Variants in ARHGEF18 observed in about 807,000 individuals in gnomAD.
The protein encoded by ARHGEF18 is rho guanine nucleotide exchange factor 18.
ARHGEF18 carries 93 observed loss-of-function variants against 155.7 expected under a neutral mutation model. That is an observed-to-expected ratio of 0.60 (90% CI 0.50 to 0.71). ARHGEF18 has a LOEUF of 0.71. Ranked by LOEUF, ARHGEF18 falls within the 30% of genes least tolerant of loss-of-function variation. The pLI is 0.00. For missense variants in ARHGEF18, 1,593 were observed against 1,816.1 expected, an observed-to-expected ratio of 0.88 and a Z score of 2.23; for synonymous variants, 742 against 753.1, an observed-to-expected ratio of 0.99 and a Z score of 0.24.
intron 14 of ARHGEF18, 67 bp from the exon 15 acceptor site, chr19:7,446,976 A>C: frequency 6.4e-7 from 1 of 1,563,446 alleles, no homozygotes; most frequent in Non-Finnish European, 8.7e-7. Flanking sequence ...GACTCAGACG[A>C]ATTAGATGAA....
intron 27 of ARHGEF18, 96 bp from the exon 28 acceptor site, chr19:7,469,808 T>G: frequency 1.4e-6 from 2 of 1,453,168 alleles, no homozygotes; most frequent in Non-Finnish European, 9.3e-7. Context: ...AAGTGTCAGG[T>G]GGGGGTGGCC....
chr19:7,405,321 C>T (rs116743031), intron 10 of ARHGEF18, among the ~76,000 whole-genome samples: 1,537 of 152,348 alleles, frequency 0.01, 30 homozygotes, highest in African/African-American at 0.034. Context: ...TGTCATTCCA[C>T]ACCCTCCGTG....
intron 25 of ARHGEF18, 36 bp downstream of exon 25, chr19:7,467,154 T>G: frequency 5.7e-6 from 9 of 1,580,852 alleles, no homozygotes; most frequent in Non-Finnish European, 7.8e-6. Context: ...ACGCGTGCCC[T>G]TTCCTGGTTG....
chr19:7,459,456 G>C (rs1976059995), intron 19 of ARHGEF18, among the ~76,000 whole-genome samples: 1 of 151,908 alleles, frequency 6.6e-6, no homozygotes. Flanking sequence ...CTGGCCTCAA[G>C]CCATCCTCCT....
Position 7,458,697 on chromosome 19 carries a change from A to G in ARHGEF18, c.2360+7A>G. On this transcript the variant is annotated splice_region_variant and intron_variant, in intron 19 of 28. Transcript: ENST00000668164. ...TCCAAAGGGCTGTGGAGAGGTGAGG[A>G]GGGCCTGGGGGTCTCCCCACCCACT... is the stretch of plus-strand genomic sequence containing the variant. 6.2e-7 allele frequency: 1 copy of G among 1,606,936 alleles called. No individual in the cohort carries two copies. The highest frequency in any genetic ancestry group is 8.5e-7 in the Non-Finnish European group (1 of 1,175,264).
At chr19:7,429,965 C>CT (rs539476076) in intron 10 of ARHGEF18, among the ~76,000 whole-genome samples, 252 of 144,014 alleles carry the variant, frequency 1.7e-3, no homozygotes, top group Middle Eastern at 3.5e-3. Flanking sequence ...CCTCAATATA[C>CT]TTTTTTTTTT....
At position 7,469,053 on chromosome 19, in the gene ARHGEF18, A is replaced by G. The variant is rs746975382; in HGVS notation, c.3709A>G (p.Thr1237Ala). 2 of 1,607,034 alleles carry G rather than the reference A, an allele frequency of 1.2e-6. No homozygotes were observed. The highest frequency in any genetic ancestry group is 8.5e-7 in the Non-Finnish European group (1 of 1,177,766). ...GGCGGCCGTGCAGCAGCAGATCCCC[A>G]CCAAGCTGGCGGCCTCCACCAAGGG... ...RQAAVQQQIP[T>A]KLAASTKGGK... The change falls in exon 27 of 29, where the codon ACC becomes GCC. Residue 1237 changes from threonine to alanine, a missense_variant. Thr to Ala is a moderately conservative substitution (Grantham distance 58). Coordinates refer to ENST00000668164, the MANE Select transcript of ARHGEF18 (RefSeq NM_001367823.1).
chr19:7,379,023 G>A, intron 6 of ARHGEF18, 99 bp from the exon 7 acceptor site: 1 of 1,070,004 alleles, frequency 9.3e-7, no homozygotes, highest in Non-Finnish European at 1.2e-6. Context: ...TCTGCATCAG[G>A]ACCTGAGGCC....
At chr19:7,376,106 T>G (rs1051814753) in intron 4 of ARHGEF18, among the ~76,000 whole-genome samples, 2 of 152,102 alleles carry the variant, frequency 1.3e-5, no homozygotes, top group Non-Finnish European at 2.9e-5. Context: ...TGCATGGCCA[T>G]GACTCCAACC....
intron 10 of ARHGEF18, among the ~76,000 whole-genome samples, chr19:7,387,782 G>A (rs766675065): frequency 3.3e-5 from 5 of 151,952 alleles, no homozygotes; most frequent in Admixed American, 2.6e-4. Context: ...CGATTCTCAC[G>A]CCTCAGCCTC....
At position 7,397,135 on chromosome 19, in the gene ARHGEF18, C is replaced by A. The variant is rs939287232; in HGVS notation, c.967+13932C>A. ...AAAAAAAAATGAAGATGTGTTTGTT[C>A]TAGAGCAAAAAAGAGCAAACAGCTG... On this transcript the variant is annotated intron_variant, in intron 10 of 28. Transcript: ENST00000668164. 2.9e-5 allele frequency among the ~76,000 whole-genome samples: 4 copies of A among 140,110 alleles called. No homozygotes were observed. The East Asian group carries it at 8.4e-4, about 29-fold the overall frequency. The allele number at this position is 140,110 out of a possible 152,430, so 91.9% of individuals were successfully genotyped here.
chr19:7,367,416 C>A (rs903644580), intron 2 of ARHGEF18, among the ~76,000 whole-genome samples: 2 of 151,928 alleles, frequency 1.3e-5, no homozygotes, highest in Admixed American at 6.6e-5. Context: ...CCAGCCTGGG[C>A]AACATAACAA....
intron 23 of ARHGEF18, 90 bp from the exon 24 acceptor site, chr19:7,466,828 T>TAAAAA (rs1976645478): frequency 1.1e-6 from 1 of 873,076 alleles, no homozygotes; most frequent in African/African-American, 3.1e-5. Context: ...AAAAAAAAAG[T>TAAAAA]TAAAAAAAAA....
In ARHGEF18 at chr19:7,460,139, A is replaced by G. The variant is rs544469478; in HGVS notation, c.2452+145A>G. 4.1e-5 allele frequency: 32 copies of G among 782,254 alleles called. No homozygotes were observed. In the East Asian group the frequency reaches 9.2e-4, roughly 23 times the overall value. 48.5% of individuals were successfully genotyped at this position (782,254 alleles called of 1,614,324 possible). ...GCCATGTCCTGCAGCTCTGTGAAGC[A>G]TTAGAACGGGCTGTGCCATGACATA... On this transcript the variant is annotated intron_variant, in intron 20 of 28. Transcript: ENST00000668164.
chr19:7,457,820 G>A (rs572644824), intron 18 of ARHGEF18, among the ~76,000 whole-genome samples: 3 of 152,234 alleles, frequency 2.0e-5, no homozygotes, highest in African/African-American at 7.2e-5. Context: ...GTCTCTTGAA[G>A]GATGCGTGAC....
intron 10 of ARHGEF18, 165 bp downstream of exon 10, chr19:7,383,368 C>G (rs1970841764): frequency 4.8e-5 from 33 of 694,474 alleles, no homozygotes; most frequent in Non-Finnish European, 6.4e-5. Context: ...TCCCTGGGCA[C>G]AGGGACCCTT....
At chr19:7,390,048 T>C (rs1208900892) in intron 10 of ARHGEF18, among the ~76,000 whole-genome samples, 2 of 151,936 alleles carry the variant, frequency 1.3e-5, no homozygotes, top group African/African-American at 2.4e-5. Flanking sequence ...GTTTAAAAGT[T>C]AGCCAGGTGT....
chr19:7,416,635 C>G (rs1973039382), intron 10 of ARHGEF18, among the ~76,000 whole-genome samples: 1 of 126,656 alleles, frequency 7.9e-6, no homozygotes, highest in Non-Finnish European at 1.6e-5. Flanking sequence ...CAGAGTCTTG[C>G]TCTGCTGCCA....
chr19:7,366,630 C>T (rs966420111), intron 2 of ARHGEF18, among the ~76,000 whole-genome samples: 5 of 152,194 alleles, frequency 3.3e-5, no homozygotes, highest in African/African-American at 4.8e-5. Flanking sequence ...TTGACTATAA[C>T]GGTTTGGCTT....
Sources: gnomAD v4.1 joint callset for allele counts (sites outside exome capture counted in the v4.1 genomes callset) on GRCh38, gnomAD v4.1.1 for gene constraint, MANE v1.5 for transcripts, NCBI Gene and HGNC (gene_info 2026-07-23, HGNC 2026-07-21) for gene names.